The following ADAMTS20 variants were observed in gnomAD, a reference collection of about 807,000 sequenced individuals.
ADAMTS20 encodes A disintegrin and metalloproteinase with thrombospondin motifs 20.
A neutral mutation model predicts 260.1 loss-of-function variants in ADAMTS20; 225 were observed. The ratio of observed to expected loss-of-function variants is 0.87; its 90% CI spans 0.78 to 0.97. The LOEUF is 0.97. ADAMTS20 is among the 50% of genes least tolerant of loss of function. The pLI is 0.00. For synonymous variants in ADAMTS20, 802 were observed against 769.5 expected (o/e 1.04, Z -0.70); for missense variants, 2,400 against 2,337.7 (o/e 1.03, Z -0.55).
rs562619092 is a variant in ADAMTS20 at position 43,428,252 on chromosome 12, G to A, written c.3934C>T (p.Pro1312Ser). ...SVRGNQWRTG[P>S]WGSCSSSCSG... Reference sequence around the variant, plus strand: ...TAAAGATGGCTTACTGATCCCCATGGTCCGGTTCTCCACTGGTTTCCTCTG... The same window carrying A: ...TAAAGATGGCTTACTGATCCCCATGATCCGGTTCTCCACTGGTTTCCTCTG... Residue 1312 changes from proline to serine, a missense_variant, in exon 26 of 39, where the codon CCA becomes TCA. Coordinates refer to ENST00000389420, the MANE Select transcript of ADAMTS20 (RefSeq NM_025003.5). The A allele has an allele frequency of 6.2e-7, 1 of 1,613,768 alleles. No homozygotes were observed. The highest frequency in any genetic ancestry group is 2.2e-5 in the East Asian group (1 of 44,884).
chr12:43,386,872 T>A (rs11182048), intron 29 of ADAMTS20, among the ~76,000 whole-genome samples: 37,808 of 152,172 alleles, frequency 0.25, 5,301 homozygotes, highest in African/African-American at 0.38. Context: ...TGGTTATTCT[T>A]GTTAGCAATT....
At chr12:43,409,133 T>C (rs906676261) in intron 28 of ADAMTS20, among the ~76,000 whole-genome samples, 4 of 152,086 alleles carry the variant, frequency 2.6e-5, no homozygotes, top group Non-Finnish European at 2.9e-5. Flanking sequence ...ATGTAGATCC[T>C]ATATGGACAA....
At chr12:43,525,226 T>C (rs1197329752) in intron 3 of ADAMTS20, among the ~76,000 whole-genome samples, 3 of 152,214 alleles carry the variant, frequency 2.0e-5, no homozygotes, top group Admixed American at 2.0e-4. Context: ...GGGTTTTAGC[T>C]TTAGCCTCCT....
At chr12:43,429,412 C>T (rs1359462801) in intron 24 of ADAMTS20, among the ~76,000 whole-genome samples, 3 of 152,126 alleles carry the variant, frequency 2.0e-5, no homozygotes, top group African/African-American at 7.2e-5. Context: ...ACTCAGAAAA[C>T]TTCAATTTCT....
At chr12:43,502,023 T>G in intron 4 of ADAMTS20, 129 bp downstream of exon 4, 1 of 820,216 alleles carries the variant, frequency 1.2e-6, no homozygotes, top group Non-Finnish European at 1.8e-6. Flanking sequence ...AATGAAATCT[T>G]ATTTTTGGCT....
At chr12:43,389,693 TTTTTG>T (rs1273898099) in intron 29 of ADAMTS20, among the ~76,000 whole-genome samples, 6 of 151,586 alleles carry the variant, frequency 4.0e-5, no homozygotes, top group Middle Eastern at 3.2e-3. Flanking sequence ...AGCCAGGTTT[TTTTTG>T]TTTTTGTTTT....
At chr12:43,497,775 A>G (rs553740877) in intron 4 of ADAMTS20, among the ~76,000 whole-genome samples, 1 of 152,260 alleles carries the variant, frequency 6.6e-6, no homozygotes, top group Admixed American at 6.5e-5. Context: ...GCCTCTAATA[A>G]TAGTAACCAT....
At chr12:43,468,810 G>T in intron 7 of ADAMTS20, 105 bp from the exon 8 acceptor site, 1 of 630,476 alleles carries the variant, frequency 1.6e-6, no homozygotes, top group East Asian at 2.8e-5. Context: ...ACTTAGAAAA[G>T]AATGCAGAAT....
Position 43,375,435 on chromosome 12 carries a change from G to C in ADAMTS20, c.5390C>G (p.Ala1797Gly). ...TATTTTGCTGAAAACAGTGTATCCA[G>C]CAGCTAAGTGTCCATTGTCACATTC... ...DCECDNGHLAAGYTVFSKIRI... is the reference protein window; with the variant it reads ...DCECDNGHLAGGYTVFSKIRI... The change falls in exon 36 of 39, where the codon GCT becomes GGT. Residue 1797 changes from alanine (A) to glycine (G), a missense_variant. Coordinates refer to ENST00000389420, the MANE Select transcript of ADAMTS20 (RefSeq NM_025003.5). The C allele has an allele frequency of 6.2e-7, 1 of 1,613,596 alleles. No individual in the cohort carries two copies. Among genetic ancestry groups the C allele is most frequent in the Non-Finnish European group, 8.5e-7 (1 of 1,179,630 alleles).
chr12:43,466,501 C>T (rs894782228), intron 9 of ADAMTS20, 151 bp downstream of exon 9: 6 of 621,078 alleles, frequency 9.7e-6, no homozygotes, highest in Middle Eastern at 4.6e-4. Flanking sequence ...GAACACAACT[C>T]TTCTTGTTCT....
chr12:43,425,776 A>G, intron 27 of ADAMTS20, 86 bp from the exon 28 acceptor site: 2 of 890,618 alleles, frequency 2.2e-6, no homozygotes, highest in East Asian at 6.2e-5. Flanking sequence ...ATAATTAGTA[A>G]TTATGTTTAT....
intron 37 of ADAMTS20, among the ~76,000 whole-genome samples, chr12:43,361,869 C>T (rs748627723): frequency 2.0e-4 from 31 of 152,092 alleles, no homozygotes; most frequent in Admixed American, 7.2e-4. Flanking sequence ...TTCCATTTGA[C>T]AGTTATATGA....
At chr12:43,393,660 A>G (rs948728868) in intron 29 of ADAMTS20, among the ~76,000 whole-genome samples, 1 of 152,054 alleles carries the variant, frequency 6.6e-6, no homozygotes, top group African/African-American at 2.4e-5. Flanking sequence ...TAATTTTTTT[A>G]TTATGGATAA....
At chr12:43,502,445 T>G in intron 3 of ADAMTS20, 40 bp from the exon 4 acceptor site, 1 of 1,550,144 alleles carries the variant, frequency 6.5e-7, no homozygotes. Context: ...GCCATTAAAT[T>G]GGATGTGACG....
chr12:43,528,423 C>T (rs1056522586), intron 3 of ADAMTS20, among the ~76,000 whole-genome samples: 4 of 137,334 alleles, frequency 2.9e-5, no homozygotes, highest in African/African-American at 1.1e-4. Flanking sequence ...TACTACAAGG[C>T]TATAGTAACC....
At position 43,381,739 on chromosome 12, in the gene ADAMTS20, C is replaced by T. The variant is rs571001333; in HGVS notation, c.4797+1819G>A. ...AAGACTTCAGTGAGCTGTAATTATA[C>T]CACCGCACTCCAGCTTGGGCAACAG... On this transcript the variant is annotated intron_variant, in intron 31 of 38. Coordinates refer to ENST00000389420, the MANE Select transcript of ADAMTS20 (RefSeq NM_025003.5). 2.1e-5 allele frequency among the ~76,000 whole-genome samples: 3 copies of T among 141,714 alleles called. No homozygotes were observed. In the South Asian group the frequency reaches 6.9e-4, roughly 33 times the overall value. The allele number at this position is 141,714 out of a possible 152,430, so 93.0% of individuals were successfully genotyped here. A position where few individuals can be genotyped will look rare whatever the true frequency, so the allele number is the denominator to read the frequency against.
chr12:43,377,650 G>T, intron 31 of ADAMTS20, 88 bp from the exon 32 acceptor site: 1 of 1,016,042 alleles, frequency 9.8e-7, no homozygotes, highest in Non-Finnish European at 1.4e-6. Flanking sequence ...ATATTATGCT[G>T]TGTCATTTCC....
At chr12:43,431,526 T>G in intron 21 of ADAMTS20, 30 bp from the exon 22 acceptor site, 4 of 1,612,664 alleles carry the variant, frequency 2.5e-6, no homozygotes, top group Middle Eastern at 1.7e-4. Flanking sequence ...CATTATTTAT[T>G]TGCAGCATTA....
intron 28 of ADAMTS20, among the ~76,000 whole-genome samples, chr12:43,415,344 C>A (rs1941108819): frequency 6.6e-6 from 1 of 151,922 alleles, no homozygotes; most frequent in Non-Finnish European, 1.5e-5. Flanking sequence ...TGTCTTATTT[C>A]CATAAAAGTT....
Sources: allele counts gnomAD v4.1 joint callset (sites outside exome capture counted in the v4.1 genomes callset), GRCh38; gene constraint gnomAD v4.1.1; transcripts MANE v1.5; gene names NCBI Gene and HGNC (gene_info 2026-07-23, HGNC 2026-07-21).